Variants in CLCN2 observed in about 807,000 individuals in gnomAD.
CLCN2 encodes chloride channel protein 2.
A neutral mutation model predicts 108.3 loss-of-function variants in CLCN2; 72 were observed. The ratio of observed to expected loss-of-function variants is 0.66; its 90% CI spans 0.55 to 0.81. CLCN2 has a LOEUF of 0.81. Among genes scored for constraint, CLCN2 ranks in the 30% least tolerant of loss-of-function variants. The probability of loss-of-function intolerance (pLI) is 0.00; values close to 1 mark genes in which losing one functional copy is unlikely to be tolerated. For missense variants in CLCN2, 1,048 were observed against 1,205.2 expected, an observed-to-expected ratio of 0.87 and a Z score of 1.93; for synonymous variants, 471 against 467.1, an observed-to-expected ratio of 1.01 and a Z score of -0.11.
In CLCN2 at chr3:184,354,548, C is replaced by G; in HGVS notation, c.1507G>C (p.Gly503Arg). ...GGCCGATGGGACCTGAGGCACTCAC[C>G]GACCACAGCGTAGCCCCCAGGCACA... The part of the protein sequence containing the change: ...RIVPGGYAVV[G>R]AAALAGAVTH... Residue 503 changes from glycine (G) to arginine (R), a missense_variant and splice_region_variant, in exon 14 of 24, where the codon GGG becomes CGG. Coordinates refer to ENST00000265593, the MANE Select transcript of CLCN2 (RefSeq NM_004366.6). 1 of 1,612,154 alleles carries G rather than the reference C, an allele frequency of 6.2e-7. No homozygotes were observed. The highest frequency in any genetic ancestry group is 2.2e-5 in the East Asian group (1 of 44,848).
chr3:184,347,102 G>A (rs905286162), intron 22 of CLCN2, 81 bp from the exon 23 acceptor site: 5 of 1,231,116 alleles, frequency 4.1e-6, no homozygotes, highest in Non-Finnish European at 6.0e-6. Flanking sequence ...CCCAGGACAA[G>A]GTTGGTGTGG....
intron 6 of CLCN2, 28 bp from the exon 7 acceptor site, chr3:184,357,726 C>G (rs778800817): frequency 6.2e-7 from 1 of 1,613,954 alleles, no homozygotes. Flanking sequence ...AAGAGGGGGT[C>G]AGCTGTGGGC....
rs1414610368 is a variant in CLCN2, at chr3:184,354,590, T to A, written c.1465A>T (p.Ser489Cys). Residue 489 changes from serine (S) to cysteine (C), a missense_variant, in exon 14 of 24, where the codon AGC (serine) becomes TGC (cysteine). Ser to Cys is a moderately radical substitution (Grantham distance 112). Transcript: ENST00000265593. ...CCAGGCACAATCCGGTAGGTGCTGC[T>A]GTCCGTATGAATTCCATCTGGGAAC... The part of the protein sequence containing the change: ...AWFPDGIHTD[S>C]STYRIVPGGY... 1 of 1,611,552 alleles carries A rather than the reference T, an allele frequency of 6.2e-7. No individual in the cohort carries two copies. Among genetic ancestry groups the A allele is most frequent in the East Asian group, 2.2e-5 (1 of 44,650 alleles).
Position 184,355,234 on chromosome 3 carries a change from T to TC in CLCN2, c.1326+139dup. The TC allele has an allele frequency of 1.0e-6, 1 of 996,042 alleles. No homozygotes were observed. Among genetic ancestry groups the TC allele is most frequent in the Non-Finnish European group, 1.6e-6 (1 of 632,402 alleles). The allele number at this position is 996,042 out of a possible 1,614,324, so 61.7% of individuals were successfully genotyped here. ...TTGGGCCAGCTACTTGTGTTTCGAC[T>TC]CCCCCATCTTTCAAACGGGGGTGAT... On this transcript the variant is annotated intron_variant, in intron 12 of 23. Coordinates refer to ENST00000265593, the MANE Select transcript of CLCN2 (RefSeq NM_004366.6). This position sits in a 1 kb window ranked among gnomAD's most constrained non-coding sequence, Gnocchi z 6.3.
intron 14 of CLCN2, 24 bp from the exon 15 acceptor site, chr3:184,354,338 C>T (rs1457079977): frequency 6.2e-7 from 1 of 1,609,402 alleles, no homozygotes; most frequent in Non-Finnish European, 8.5e-7. Context: ...CACTCAGTCT[C>T]CTCAGGGTGC....
chr3:184,357,073 T>C lies in CLCN2; in HGVS notation c.1005A>G (p.Gly335=). ...TCCGGTTCAGGTAGACAAAGAGGGC[T>C]CCACCGAAGCCACTAGCAATACTGG... ...AVIGIASGFG[G]ALFVYLNRKI... Residue 335 remains glycine, a synonymous_variant, in exon 10 of 24, where the codon GGA becomes GGG. Transcript: ENST00000265593. 1 of 1,613,468 alleles carries C rather than the reference T, an allele frequency of 6.2e-7. No individual in the cohort carries two copies. Among genetic ancestry groups the C allele is most frequent in the Non-Finnish European group, 8.5e-7 (1 of 1,179,816 alleles).
rs1728510380 is a variant in CLCN2, at chr3:184,355,831, C to T, written c.1086-53G>A. 37 of 1,460,844 alleles carry T rather than the reference C, an allele frequency of 2.5e-5. No homozygotes were observed. The highest frequency in any genetic ancestry group is 3.4e-5 in the Non-Finnish European group (36 of 1,045,600). The allele number at this position is 1,460,844 out of a possible 1,614,324, so 90.5% of individuals were successfully genotyped here. On this transcript the variant is annotated intron_variant, in intron 10 of 23. Transcript: ENST00000265593. This position sits in a 1 kb window ranked among gnomAD's most constrained non-coding sequence, Gnocchi z 6.3. Reference sequence around the variant, plus strand: ...TGGGTGGCCAAGGGCTGGGTGGCCTCGCATATCTCAGGGCTGAGGTCAGAG... The same window carrying T: ...TGGGTGGCCAAGGGCTGGGTGGCCTTGCATATCTCAGGGCTGAGGTCAGAG...
chr3:184,354,267 C>T lies in CLCN2; in HGVS notation c.1555G>A (p.Val519Met). ...TGGCCTGTGAGCTCGAACACGATCA[C>T]AGCCGTGGACACTGTGTGTGTCACC... is the stretch of plus-strand genomic sequence containing the variant. The part of the protein sequence containing the change: ...GAVTHTVSTA[V>M]IVFELTGQIA... Residue 519 changes from valine (V) to methionine (M), a missense_variant, in exon 15 of 24, where the codon GTG becomes ATG. By Grantham distance (21) the Val-to-Met change is conservative. Transcript: ENST00000265593. The T allele has an allele frequency of 6.2e-7, 1 of 1,613,074 alleles. No homozygotes were observed. Among genetic ancestry groups the T allele is most frequent in the Non-Finnish European group, 8.5e-7 (1 of 1,179,968 alleles).
rs759757482 is a variant in CLCN2, at chr3:184,355,664, G to A, written c.1170+30C>T. On this transcript the variant is annotated intron_variant, in intron 11 of 23. Transcript: ENST00000265593. This position sits in a 1 kb window ranked among gnomAD's most constrained non-coding sequence, Gnocchi z 6.3. ...TTGGAGGAATGCCTTCCAAGGGAAA[G>A]CACAAAACTCCTGTTCTGCCTGTGG... 1.9e-6 allele frequency: 3 copies of A among 1,611,596 alleles called. No homozygotes were observed. Among genetic ancestry groups the A allele is most frequent in the Non-Finnish European group, 2.5e-6 (3 of 1,177,722 alleles).
chr3:184,346,962 T>C lies in CLCN2; in HGVS notation c.2475A>G (p.Arg825=). 3 of 1,614,056 alleles carry C rather than the reference T, an allele frequency of 1.9e-6. No individual in the cohort carries two copies. Among genetic ancestry groups the C allele is most frequent in the Non-Finnish European group, 2.5e-6 (3 of 1,179,990 alleles). ...CCTTTAGAGTAACGATTCCAATGAG[T>C]CTGCCAATACTGGTGACATAAGCAT... ...VDHAYVTSIG[R]LIGIVTLKEL... Residue 825 remains arginine (R), a synonymous_variant, in exon 23 of 24, where the codon AGA becomes AGG. Coordinates refer to ENST00000265593, the MANE Select transcript of CLCN2 (RefSeq NM_004366.6). This position sits in a 1 kb window ranked among gnomAD's most constrained non-coding sequence, Gnocchi z 6.0.
rs1727664099 is a variant in CLCN2, at chr3:184,346,328, C to T, written c.*278G>A. 6 of 538,304 alleles carry T rather than the reference C, an allele frequency of 1.1e-5. No homozygotes were observed. The East Asian group carries it at 1.9e-4, about 17-fold the overall frequency. The allele number at this position is 538,304 out of a possible 1,614,324, so 33.3% of individuals were successfully genotyped here. On this transcript the variant is annotated 3_prime_UTR_variant, in exon 24 of 24. Transcript: ENST00000265593. This position sits in a 1 kb window ranked among gnomAD's most constrained non-coding sequence, Gnocchi z 6.0. The stretch of plus-strand genomic sequence containing the variant: ...TTATAAACCCATCTTAGTTCCACCC[C>T]TTTCCCCTCAAAGGGGGAGCAGGGG...
Position 184,346,294 on chromosome 3 carries a change from A to G in CLCN2, c.*312T>C, listed in dbSNP as rs923679793. The G allele has an allele frequency of 2.1e-6, 1 of 467,802 alleles. No homozygotes were observed. The highest frequency in any genetic ancestry group is 3.4e-5 in the Admixed American group (1 of 29,562). 29.0% of individuals were successfully genotyped at this position (467,802 alleles called of 1,614,324 possible). A position where few individuals can be genotyped will look rare whatever the true frequency, so the allele number is the denominator to read the frequency against. On this transcript the variant is annotated 3_prime_UTR_variant, in exon 24 of 24. Coordinates refer to ENST00000265593, the MANE Select transcript of CLCN2 (RefSeq NM_004366.6). This position sits in a 1 kb window ranked among gnomAD's most constrained non-coding sequence, Gnocchi z 6.0. ...ATCTCTATATACATCTGGTCATTGG[A>G]GGTTCCAGTTATAAACCCATCTTAG...
intron 1 of CLCN2, among the ~76,000 whole-genome samples, chr3:184,359,425 G>A (rs957906643): frequency 1.3e-5 from 2 of 152,206 alleles, no homozygotes; most frequent in African/African-American, 2.4e-5. Context: ...AGGAGTGAGA[G>A]GGAAGCCCCA....
intron 16 of CLCN2, 88 bp from the exon 17 acceptor site, chr3:184,353,510 A>G: frequency 6.5e-7 from 1 of 1,535,746 alleles, no homozygotes; most frequent in Non-Finnish European, 8.8e-7. Flanking sequence ...GGGGCCTTGC[A>G]TGCAGGCCAC....
At chr3:184,351,458 A>G (rs1047930692) in intron 22 of CLCN2, among the ~76,000 whole-genome samples, 2 of 152,066 alleles carry the variant, frequency 1.3e-5, no homozygotes, top group Non-Finnish European at 2.9e-5. Flanking sequence ...CTGCTGAGCC[A>G]TCTTCCCGCG....
chr3:184,352,728 G>A lies in CLCN2; in HGVS notation c.2217+9C>T. The A allele has an allele frequency of 6.2e-7, 1 of 1,612,930 alleles. No homozygotes were observed. Among genetic ancestry groups the A allele is most frequent in the Non-Finnish European group, 8.5e-7 (1 of 1,179,844 alleles). ...AAGCAAGCTAGGAGGACAGGCTCCA[G>A]CCACTCACCTCCGAAGCAGCCTCAG... On this transcript the variant is annotated intron_variant, in intron 19 of 23. Coordinates refer to ENST00000265593, the MANE Select transcript of CLCN2 (RefSeq NM_004366.6).
At position 184,347,597 on chromosome 3, in the gene CLCN2, A is replaced by G. The variant is rs1727780415; in HGVS notation, c.2416-576T>C. The G allele has an allele frequency of 1.7e-5, 3 of 176,108 alleles. No individual in the cohort carries two copies. The South Asian group carries it at 3.7e-4, about 22-fold the overall frequency. The allele number at this position is 176,108 out of a possible 1,614,324, so 10.9% of individuals were successfully genotyped here. ...GACCTTAAGGGCACTTGGGCCCTGA[A>G]TCCTATGCCTCTCGTTCCACTGCTT... On this transcript the variant is annotated intron_variant, in intron 22 of 23. Coordinates refer to ENST00000265593, the MANE Select transcript of CLCN2 (RefSeq NM_004366.6).
intron 22 of CLCN2, chr3:184,348,283 T>G (rs1727836070): frequency 6.6e-6 from 1 of 152,132 alleles, no homozygotes; most frequent in Non-Finnish European, 1.5e-5. Flanking sequence ...GGTAGAATGC[T>G]TGAGCCCAGG....
In CLCN2 at chr3:184,351,807, G is replaced by A. The variant is rs143335037; in HGVS notation, c.2415+206C>T. On this transcript the variant is annotated intron_variant, in intron 22 of 23. Coordinates refer to ENST00000265593, the MANE Select transcript of CLCN2 (RefSeq NM_004366.6). ...GGGCAAGGCTGAGCAGAGGAAAAAC[G>A]ATGCCTGGCTCCACCACAGAGCAGG... 3.3e-4 allele frequency among the ~76,000 whole-genome samples: 51 copies of A among 152,254 alleles called. No homozygotes were observed. In the East Asian group the frequency reaches 7.9e-3, roughly 24 times the overall value.
Sources: gnomAD v4.1 joint callset for allele counts (sites outside exome capture counted in the v4.1 genomes callset) on GRCh38, gnomAD v4.1.1 for gene constraint, Gnocchi (gnomAD v3.1) non-coding constraint, MANE v1.5 for transcripts, NCBI Gene and HGNC (gene_info 2026-07-23, HGNC 2026-07-21) for gene names.